Variants in DCP2 observed in about 807,000 individuals in gnomAD.
DCP2 encodes the protein m7GpppN-mRNA hydrolase.
DCP2 carries 30 observed loss-of-function variants against 56.1 expected under a neutral mutation model. That is an observed-to-expected ratio of 0.53 (90% CI 0.40 to 0.73). The LOEUF (loss-of-function observed/expected upper bound fraction) is 0.73. Among genes scored for constraint, DCP2 ranks in the 30% least tolerant of loss-of-function variants. The probability of loss-of-function intolerance (pLI) is 0.00; values close to 1 mark genes in which losing one functional copy is unlikely to be tolerated. For missense variants in DCP2, 533 were observed against 502.7 expected, an observed-to-expected ratio of 1.06 and a Z score of -0.58; for synonymous variants, 197 against 163.3, an observed-to-expected ratio of 1.21 and a Z score of -1.57.
chr5:112,977,090 C>T (rs992541468), intron 1 of DCP2, 104 bp downstream of exon 1: 101 of 817,208 alleles, frequency 1.2e-4, no homozygotes, highest in Middle Eastern at 2.7e-4. Context: ...CATGTCCTCG[C>T]TTTCCGCTCC....
intron 5 of DCP2, 44 bp downstream of exon 5, chr5:113,001,280 A>G (rs1749165138): frequency 4.4e-6 from 7 of 1,598,998 alleles, no homozygotes; most frequent in Non-Finnish European, 6.0e-6. Context: ...AGTATCCCAA[A>G]TGAATAAGTA....
At position 113,017,192 on chromosome 5, in the gene DCP2, A is replaced by C. The variant is rs1200314800; in HGVS notation, c.*3708A>C. ...TTGTATGTTAATCATAGTTATAGTA[A>C]AGTCAGACTCATTAACTTTTCTTCC... On this transcript the variant is annotated 3_prime_UTR_variant, in exon 11 of 11. Coordinates refer to ENST00000389063, the MANE Select transcript of DCP2 (RefSeq NM_152624.6). The C allele has an allele frequency of 6.6e-6, 1 of 152,176 alleles. No individual in the cohort carries two copies. Among genetic ancestry groups the C allele is most frequent in the African/African-American group, 2.4e-5 (1 of 41,438 alleles). 9.4% of individuals were successfully genotyped at this position (152,176 alleles called of 1,614,324 possible).
rs1380525332 is a variant in DCP2, at chr5:113,021,755, A to C, written c.*8271A>C. Among the ~76,000 whole-genome samples, 1 of 149,814 alleles carries C rather than the reference A, an allele frequency of 6.7e-6. No individual in the cohort carries two copies. The highest frequency in any genetic ancestry group is 2.6e-5 in the African/African-American group (1 of 39,174). Reference sequence around the variant, plus strand: ...CTTGAGAACATTGTAATCTTTCTCTAACAGATGTGTTGCAAAGCTGCTTGC... The same window carrying C: ...CTTGAGAACATTGTAATCTTTCTCTCACAGATGTGTTGCAAAGCTGCTTGC... On this transcript the variant is annotated 3_prime_UTR_variant, in exon 11 of 11. Transcript: ENST00000389063.
In DCP2 at chr5:113,014,578, C is replaced by A. The variant is rs948315291; in HGVS notation, c.*1094C>A. On this transcript the variant is annotated 3_prime_UTR_variant, in exon 11 of 11. Coordinates refer to ENST00000389063, the MANE Select transcript of DCP2 (RefSeq NM_152624.6). Reference sequence around the variant, plus strand: ...ACATAACAGTAACATACATAACTCACTCCTAGGAATGTATTTTGCTTCAGG... The same window carrying A: ...ACATAACAGTAACATACATAACTCAATCCTAGGAATGTATTTTGCTTCAGG... 1 of 152,630 alleles carries A rather than the reference C, an allele frequency of 6.6e-6. No individual in the cohort carries two copies. Among genetic ancestry groups the A allele is most frequent in the Non-Finnish European group, 1.5e-5 (1 of 68,040 alleles). The allele number at this position is 152,630 out of a possible 1,614,324, so 9.5% of individuals were successfully genotyped here.
At chr5:112,999,024 AT>A (rs1345996131) in intron 4 of DCP2, among the ~76,000 whole-genome samples, 1 of 152,210 alleles carries the variant, frequency 6.6e-6, no homozygotes, top group Non-Finnish European at 1.5e-5. Flanking sequence ...CTGCATTTGC[AT>A]TTAATTGACA....
intron 1 of DCP2, among the ~76,000 whole-genome samples, chr5:112,982,189 AAT>A (rs33995916): frequency 7.5e-6 from 1 of 132,940 alleles, no homozygotes; most frequent in Non-Finnish European, 1.5e-5. Flanking sequence ...ACTCCTCTCT[AAT>A]ATGTCCAAAG....
chr5:112,981,929 C>G (rs1421481193), intron 1 of DCP2, among the ~76,000 whole-genome samples: 20 of 152,082 alleles, frequency 1.3e-4, no homozygotes. Flanking sequence ...CTCCACCACA[C>G]CATTTTTTAT....
intron 1 of DCP2, chr5:112,984,699 A>ATATATATATATATATAT (rs377520502): frequency 3.9e-4 from 31 of 78,494 alleles, no homozygotes; most frequent in East Asian, 2.4e-3. Flanking sequence ...AAAAAAAAAA[A>ATATATATATATATATAT]AAAAATATAT....
intron 4 of DCP2, among the ~76,000 whole-genome samples, chr5:112,993,047 A>G (rs999536277): frequency 7.9e-5 from 12 of 151,246 alleles, no homozygotes; most frequent in African/African-American, 2.7e-4. Flanking sequence ...TCCCTTTAGA[A>G]TTAGATTTCC....
chr5:113,000,650 A>T (rs1395700937), intron 4 of DCP2, among the ~76,000 whole-genome samples: 1 of 152,198 alleles, frequency 6.6e-6, no homozygotes, highest in Non-Finnish European at 1.5e-5. Context: ...AAGCATCTGG[A>T]CTTTTACTCT....
intron 7 of DCP2, among the ~76,000 whole-genome samples, chr5:113,003,120 C>G (rs1285569488): frequency 2.7e-5 from 4 of 150,738 alleles, no homozygotes; most frequent in Admixed American, 6.7e-5. Context: ...ACTAAATGCC[C>G]TGATGTCTTT....
intron 4 of DCP2, among the ~76,000 whole-genome samples, chr5:112,993,542 C>G (rs910155719): frequency 3.4e-5 from 5 of 148,008 alleles, no homozygotes; most frequent in African/African-American, 1.3e-4. Context: ...AGGAGAATCT[C>G]TTGAACTCGG....
rs751575433 is a variant in DCP2 at position 112,992,692 on chromosome 5, C to T, written c.354C>T (p.Tyr118=). ...TLENVLLVQG[Y]LAKSGWGFPK... is the part of the protein sequence containing the mutation. ...TGTAGGTACTACTAGTTCAGGGGTA[C>T]CTAGCAAAATCAGGCTGGGGATTTC... The change falls in exon 4 of 11, where the codon TAC becomes TAT. Residue 118 remains tyrosine (Y), a synonymous_variant. Coordinates refer to ENST00000389063, the MANE Select transcript of DCP2 (RefSeq NM_152624.6). The T allele has an allele frequency of 7.0e-6, 11 of 1,580,518 alleles. No individual in the cohort carries two copies. The Admixed American group carries it at 1.2e-4, about 17-fold the overall frequency.
intron 7 of DCP2, 80 bp from the exon 8 acceptor site, chr5:113,003,862 T>C (rs1298637786): frequency 2.0e-6 from 3 of 1,472,040 alleles, no homozygotes; most frequent in African/African-American, 2.8e-5. Flanking sequence ...ATATGTAGTC[T>C]ATAAATTTAA....
chr5:112,995,419 C>T (rs1266943228), intron 4 of DCP2, among the ~76,000 whole-genome samples: 1 of 152,174 alleles, frequency 6.6e-6, no homozygotes, highest in Non-Finnish European at 1.5e-5. Context: ...CAGTATCCTG[C>T]TTAGAGGAAT....
At chr5:113,004,175 C>G in intron 8 of DCP2, 98 bp downstream of exon 8, 1 of 1,343,906 alleles carries the variant, frequency 7.4e-7, no homozygotes, top group Admixed American at 2.4e-5. Flanking sequence ...TTACAGAGAG[C>G]TCTGAGTTAC....
chr5:113,010,475 G>A (rs1238671044), intron 9 of DCP2, among the ~76,000 whole-genome samples: 1 of 152,078 alleles, frequency 6.6e-6, no homozygotes, highest in Non-Finnish European at 1.5e-5. Context: ...CAAAGTGCTA[G>A]GATTACAGGC....
At chr5:113,005,346 A>AC (rs759056377) in intron 8 of DCP2, among the ~76,000 whole-genome samples, 23 of 152,338 alleles carry the variant, frequency 1.5e-4, no homozygotes, top group Non-Finnish European at 3.4e-4. Context: ...TTAAAACTGG[A>AC]CAAATGACTT....
At chr5:112,982,642 G>A (rs1748064557) in intron 1 of DCP2, among the ~76,000 whole-genome samples, 1 of 151,996 alleles carries the variant, frequency 6.6e-6, no homozygotes, top group South Asian at 2.1e-4. Context: ...GTTGGTTATA[G>A]TAATAATAGT....
Sources: gnomAD v4.1 joint callset for allele counts (sites outside exome capture counted in the v4.1 genomes callset) on GRCh38, gnomAD v4.1.1 for gene constraint, MANE v1.5 for transcripts, NCBI Gene and HGNC (gene_info 2026-07-23, HGNC 2026-07-21) for gene names.